Variants in ATP8A1 observed in about 807,000 individuals in gnomAD.
ATP8A1 encodes ATPase phospholipid transporting 8A1.
A neutral mutation model predicts 177.7 loss-of-function variants in ATP8A1; 90 were observed. The ratio of observed to expected loss-of-function variants is 0.51; its 90% CI spans 0.43 to 0.60. The LOEUF (loss-of-function observed/expected upper bound fraction) is 0.60, where lower values mean the gene tolerates loss of function less well. Ranked by LOEUF, ATP8A1 falls within the 20% of genes least tolerant of loss-of-function variation. The probability of loss-of-function intolerance (pLI) is 0.00; values close to 1 mark genes in which losing one functional copy is unlikely to be tolerated. For synonymous variants in ATP8A1, 493 were observed against 485.9 expected (o/e 1.01, Z -0.19); for missense variants, 1,072 against 1,392.8 (o/e 0.77, Z 3.67).
chr4:42,605,216 T>A (rs746013493), intron 5 of ATP8A1, among the ~76,000 whole-genome samples: 4 of 152,170 alleles, frequency 2.6e-5, no homozygotes, highest in Non-Finnish European at 4.4e-5. Context: ...AAGATGCCAA[T>A]GAACTATTTT....
At chr4:42,425,225 G>T (rs766461829) in intron 33 of ATP8A1, among the ~76,000 whole-genome samples, 7 of 151,280 alleles carry the variant, frequency 4.6e-5, no homozygotes, top group African/African-American at 1.7e-4. Flanking sequence ...AATTTGGTTG[G>T]GGGGGGGCAA....
At chr4:42,468,675 GA>G (rs1249207519) in intron 25 of ATP8A1, among the ~76,000 whole-genome samples, 1 of 152,118 alleles carries the variant, frequency 6.6e-6, no homozygotes, top group Non-Finnish European at 1.5e-5. Context: ...GGACTCAGGG[GA>G]AAGGGTGGGA....
At chr4:42,587,756 G>A (rs755402462) in intron 8 of ATP8A1, among the ~76,000 whole-genome samples, 1 of 151,764 alleles carries the variant, frequency 6.6e-6, no homozygotes, top group Non-Finnish European at 1.5e-5. Flanking sequence ...ACAGGCGCCC[G>A]CCACCATGCC....
Position 42,551,179 on chromosome 4 carries a change from T to C in ATP8A1, c.1602+19A>G. The C allele has an allele frequency of 6.3e-7, 1 of 1,598,876 alleles. No individual in the cohort carries two copies. Among genetic ancestry groups the C allele is most frequent in the Non-Finnish European group, 8.6e-7 (1 of 1,166,308 alleles). ...TGTATTACTTGGATTAAAAAGAACC[T>C]TAAAAACAACTAACTTACTGAATCT... On this transcript the variant is annotated intron_variant, in intron 18 of 36. Coordinates refer to ENST00000381668, the MANE Select transcript of ATP8A1 (RefSeq NM_006095.2).
At chr4:42,446,185 G>A (rs1442876260) in intron 31 of ATP8A1, among the ~76,000 whole-genome samples, 3 of 150,936 alleles carry the variant, frequency 2.0e-5, no homozygotes, top group Non-Finnish European at 2.9e-5. Context: ...AGACATCCAT[G>A]ACATACGCTC....
intron 10 of ATP8A1, among the ~76,000 whole-genome samples, chr4:42,580,650 G>A (rs533799785): frequency 6.6e-6 from 1 of 152,252 alleles, no homozygotes; most frequent in African/African-American, 2.4e-5. Context: ...GCTAGTGGTG[G>A]AATCACTAAC....
intron 22 of ATP8A1, among the ~76,000 whole-genome samples, chr4:42,511,010 A>T (rs1465125139): frequency 6.6e-6 from 1 of 152,218 alleles, no homozygotes; most frequent in East Asian, 1.9e-4. Context: ...ATTTCGGAAT[A>T]TTCAGCAAAA....
At chr4:42,617,480 A>C (rs1333415014) in intron 4 of ATP8A1, among the ~76,000 whole-genome samples, 2 of 152,236 alleles carry the variant, frequency 1.3e-5, no homozygotes, top group African/African-American at 2.4e-5. Context: ...GTTCTGTTAA[A>C]TTTGTAGCAT....
At chr4:42,444,745 G>A (rs1204078091) in intron 31 of ATP8A1, 111 bp from the exon 32 acceptor site, 2 of 1,094,952 alleles carry the variant, frequency 1.8e-6, no homozygotes, top group Non-Finnish European at 2.7e-6. Flanking sequence ...GGGACTAGGA[G>A]ACTGCTGCTT....
intron 15 of ATP8A1, among the ~76,000 whole-genome samples, chr4:42,558,897 G>A (rs547439551): frequency 1.3e-5 from 2 of 152,200 alleles, no homozygotes; most frequent in African/African-American, 4.8e-5. Flanking sequence ...GCAACAGGCC[G>A]GGTGCAGTAG....
intron 4 of ATP8A1, among the ~76,000 whole-genome samples, chr4:42,620,368 T>C (rs1737345546): frequency 6.6e-6 from 1 of 152,248 alleles, no homozygotes; most frequent in Non-Finnish European, 1.5e-5. Flanking sequence ...ACAATACTAT[T>C]ATTACATTCT....
intron 5 of ATP8A1, among the ~76,000 whole-genome samples, chr4:42,603,619 ACT>A (rs1385949390): frequency 4.0e-5 from 6 of 151,880 alleles, no homozygotes; most frequent in Admixed American, 2.6e-4. Flanking sequence ...TGCCTTTGAA[ACT>A]CTGGAATAAT....
chr4:42,608,188 C>T (rs1735997445), intron 5 of ATP8A1, among the ~76,000 whole-genome samples: 1 of 152,060 alleles, frequency 6.6e-6, no homozygotes, highest in African/African-American at 2.4e-5. Flanking sequence ...GAGGAAGTGG[C>T]CAGTTTCTCA....
In ATP8A1 at chr4:42,455,601, T is replaced by G; in HGVS notation, c.2620-2A>C. 1 of 1,612,296 alleles carries G rather than the reference T, an allele frequency of 6.2e-7. No homozygotes were observed. Among genetic ancestry groups the G allele is most frequent in the Non-Finnish European group, 8.5e-7 (1 of 1,179,432 alleles). ...GCCATTAACAAAGGCAAACCAGATC[T>G]AGGAAAAAAAACCCAAAACCCCCAA... On this transcript the variant is annotated splice_acceptor_variant, in intron 27 of 36. Coordinates refer to ENST00000381668, the MANE Select transcript of ATP8A1 (RefSeq NM_006095.2). LOFTEE classifies it high-confidence loss of function.
rs79783864 is a variant in ATP8A1 at position 42,611,038 on chromosome 4, G to C, written c.409+4995C>G. Among the ~76,000 whole-genome samples the C allele has an allele frequency of 7.5e-3, 1,140 of 152,332 alleles. 4 individuals carry two copies. The highest frequency in any genetic ancestry group is 0.012 in the Non-Finnish European group (817 of 68,030). ...AATTGAACCAGATGAACTCCGCCTT[G>C]TTGTTAGTAGGTCATTTCATGCTTA... On this transcript the variant is annotated intron_variant, in intron 5 of 36. Transcript: ENST00000381668.
intron 15 of ATP8A1, among the ~76,000 whole-genome samples, chr4:42,562,979 A>G (rs1342752406): frequency 1.3e-5 from 2 of 152,232 alleles, no homozygotes; most frequent in African/African-American, 4.8e-5. Flanking sequence ...AGACTAATAC[A>G]TTAAATTGAT....
At chr4:42,433,512 C>T (rs1715544178) in intron 33 of ATP8A1, among the ~76,000 whole-genome samples, 1 of 152,142 alleles carries the variant, frequency 6.6e-6, no homozygotes, top group Non-Finnish European at 1.5e-5. Context: ...CGAAACTAGA[C>T]AGGGCAGAAC....
At chr4:42,505,899 C>T (rs1230575879) in intron 23 of ATP8A1, among the ~76,000 whole-genome samples, 1 of 152,094 alleles carries the variant, frequency 6.6e-6, no homozygotes, top group Non-Finnish European at 1.5e-5. Context: ...CTCAAGCTAC[C>T]TACTTTTACT....
At chr4:42,439,864 G>C (rs1465313554) in intron 33 of ATP8A1, among the ~76,000 whole-genome samples, 1 of 152,220 alleles carries the variant, frequency 6.6e-6, no homozygotes, top group East Asian at 1.9e-4. Flanking sequence ...TATCAGAGAA[G>C]GAGCACAGGG....
Sources: allele counts gnomAD v4.1 joint callset (sites outside exome capture counted in the v4.1 genomes callset), GRCh38; gene constraint gnomAD v4.1.1; transcripts MANE v1.5; gene names NCBI Gene and HGNC (gene_info 2026-07-23, HGNC 2026-07-21).